Variants in NR1H2 observed in about 807,000 individuals in gnomAD.
The protein encoded by NR1H2 is nuclear receptor subfamily 1 group H member 2, also known as oxysterols receptor LXR-beta.
In NR1H2, 33 loss-of-function variants were observed where a neutral mutation model predicts 51.2. That is an observed-to-expected ratio of 0.64 (90% CI 0.49 to 0.86). The LOEUF (loss-of-function observed/expected upper bound fraction) is 0.86, where lower values mean the gene tolerates loss of function less well. Among genes scored for constraint, NR1H2 ranks in the 40% least tolerant of loss-of-function variants. The probability of loss-of-function intolerance (pLI) is 0.00; values close to 1 mark genes in which losing one functional copy is unlikely to be tolerated. For missense variants in NR1H2, 592 were observed against 639.9 expected (o/e 0.93, Z 0.81); for synonymous variants, 310 against 264.3 (o/e 1.17, Z -1.68).
intron 9 of NR1H2, 101 bp from the exon 10 acceptor site, chr19:50,382,355 C>A: frequency 6.8e-7 from 1 of 1,463,326 alleles, no homozygotes; most frequent in Non-Finnish European, 9.1e-7. Context: ...ACGCTGGCTC[C>A]CACGCCTGGT....
chr19:50,379,295 A>G, intron 7 of NR1H2, 114 bp downstream of exon 7: 2 of 1,161,762 alleles, frequency 1.7e-6, no homozygotes, highest in Non-Finnish European at 2.4e-6. Flanking sequence ...CACGGCGAAT[A>G]GAGTCTTCTA....
chr19:50,382,098 A>T lies in NR1H2; in HGVS notation c.1160A>T (p.Glu387Val). 4 of 1,548,258 alleles carry T rather than the reference A, an allele frequency of 2.6e-6. No homozygotes were observed. The highest frequency in any genetic ancestry group is 3.5e-6 in the Non-Finnish European group (4 of 1,147,278). ...IFSADRPNVQ[E>V]PGRVEALQQP... Reference sequence around the variant, plus strand: ...TCGGCCGACCGGCCCAACGTGCAGGAGCCGGGCCGCGTGGAGGCGTTGCAG... The same window carrying T: ...TCGGCCGACCGGCCCAACGTGCAGGTGCCGGGCCGCGTGGAGGCGTTGCAG... Residue 387 changes from glutamate (E) to valine (V), a missense_variant, in exon 9 of 10, where the codon GAG becomes GTG. Glu to Val is a moderately radical substitution (Grantham distance 121). This residue lies in a region of NR1H2 where 174 missense variants were observed against 174.0 expected (regional missense o/e 1.00). Coordinates refer to ENST00000253727, the MANE Select transcript of NR1H2 (RefSeq NM_007121.7).
Position 50,378,799 on chromosome 19 carries a change from A to G in NR1H2, c.747+3A>G. The G allele has an allele frequency of 6.2e-7, 1 of 1,612,088 alleles. No individual in the cohort carries two copies. The highest frequency in any genetic ancestry group is 8.5e-7 in the Non-Finnish European group (1 of 1,179,130). ...TCTCCGACCAGCCCAAAGTCACGGT[A>G]CTGCCCCCTCCACAACCTTGAGTGT... On this transcript the variant is annotated splice_donor_region_variant and intron_variant, in intron 6 of 9. Coordinates refer to ENST00000253727, the MANE Select transcript of NR1H2 (RefSeq NM_007121.7).
At chr19:50,379,942 A>C (rs2037739313) in intron 8 of NR1H2, 63 bp downstream of exon 8, 1 of 1,045,544 alleles carries the variant, frequency 9.6e-7, no homozygotes, top group Admixed American at 1.7e-5. Context: ...ACCTGGGGCC[A>C]ACTCATCCCT....
At position 50,379,294 on chromosome 19, in the gene NR1H2, T is replaced by TAG. The variant is rs1346454693; in HGVS notation, c.927+116_927+117dup. The TAG allele has an allele frequency of 2.6e-6, 3 of 1,157,518 alleles. No homozygotes were observed. The Admixed American group carries it at 7.9e-5, about 30-fold the overall frequency. 71.7% of individuals were successfully genotyped at this position (1,157,518 alleles called of 1,614,324 possible). On this transcript the variant is annotated intron_variant, in intron 7 of 9. Coordinates refer to ENST00000253727, the MANE Select transcript of NR1H2 (RefSeq NM_007121.7). Reference sequence around the variant, plus strand: ...TTGTAGGATGACATTCCACGGCGAATAGAGTCTTCTATGAGCCAAGGAGAG... The same window carrying TAG: ...TTGTAGGATGACATTCCACGGCGAATAGAGAGTCTTCTATGAGCCAAGGAGAG...
intron 5 of NR1H2, 28 bp from the exon 6 acceptor site, chr19:50,378,494 T>A (rs905686245): frequency 1.6e-5 from 25 of 1,588,128 alleles, no homozygotes; most frequent in Non-Finnish European, 2.1e-5. Flanking sequence ...AGCCCTGGGG[T>A]TCTGCTGAGG....
In NR1H2 at chr19:50,377,763, C is replaced by T. The variant is rs776714777; in HGVS notation, c.74C>T (p.Ser25Phe). Reference protein sequence around the residue: ...GNGPPQPGAPSSSPTVKEEGP... With the variant: ...GNGPPQPGAPFSSPTVKEEGP... ...GGCCCCCCTCAGCCTGGCGCCCCTT[C>T]TTCTTCACCCACTGTAAAGGAGGAG... is the stretch of plus-strand genomic sequence containing the variant. The change falls in exon 4 of 10, where the codon TCT (serine) becomes TTT (phenylalanine). Residue 25 changes from serine (S) to phenylalanine (F), a missense_variant. Ser to Phe is a radical substitution (Grantham distance 155, BLOSUM62 -2). Coordinates refer to ENST00000253727, the MANE Select transcript of NR1H2 (RefSeq NM_007121.7). 2.9e-5 allele frequency: 46 copies of T among 1,609,634 alleles called. No individual in the cohort carries two copies. The highest frequency in any genetic ancestry group is 3.6e-5 in the Non-Finnish European group (42 of 1,177,900).
rs1294772288 is a variant in NR1H2 at position 50,382,023 on chromosome 19, T to C, written c.1085T>C (p.Leu362Pro). 6.4e-7 allele frequency: 1 copy of C among 1,568,588 alleles called. No homozygotes were observed. Residue 362 changes from leucine to proline, a missense_variant, in exon 9 of 10, where the codon CTG (leucine) becomes CCG (proline). Leu to Pro is a moderately conservative substitution (Grantham distance 98). Transcript: ENST00000253727. ...GAGTTCTCGCGGGCCATGCGGCGGC[T>C]GGGCCTGGACGACGCTGAGTACGCC... Reference protein sequence around the residue: ...IFEFSRAMRRLGLDDAEYALL... With the variant: ...IFEFSRAMRRPGLDDAEYALL...
rs2037778344 is a variant in NR1H2, at chr19:50,382,104, G to C, written c.1166G>C (p.Gly389Ala). 1.3e-6 allele frequency: 2 copies of C among 1,546,958 alleles called. No homozygotes were observed. Among genetic ancestry groups the C allele is most frequent in the Non-Finnish European group, 1.7e-6 (2 of 1,147,048 alleles). The change falls in exon 9 of 10, where the codon GGC becomes GCC. Residue 389 changes from glycine to alanine, a missense_variant. Transcript: ENST00000253727. ...SADRPNVQEP[G>A]RVEALQQPYV... ...GACCGGCCCAACGTGCAGGAGCCGG[G>C]CCGCGTGGAGGCGTTGCAGCAGCCC...
At chr19:50,378,867 G>A in intron 6 of NR1H2, 71 bp downstream of exon 6, 1 of 1,571,668 alleles carries the variant, frequency 6.4e-7, no homozygotes, top group Non-Finnish European at 8.6e-7. Context: ...ATCACCCAGG[G>A]TGTGGGAGAA....
intron 2 of NR1H2, 108 bp downstream of exon 2, chr19:50,376,934 G>T (rs1367882082): frequency 6.8e-6 from 1 of 147,878 alleles, no homozygotes; most frequent in East Asian, 2.0e-4. Flanking sequence ...GAGGAGGCGG[G>T]GCTGGGGGCG....
chr19:50,382,606 G>T lies in NR1H2; in HGVS notation c.*4G>T, dbSNP rs767271293. On this transcript the variant is annotated 3_prime_UTR_variant, in exon 10 of 10. Transcript: ENST00000253727. Reference sequence around the variant, plus strand: ...GATCTGGGACGTCCACGAGTGAGGGGCTGGCCACCCAGCCCCACAGCCTTG... The same window carrying T: ...GATCTGGGACGTCCACGAGTGAGGGTCTGGCCACCCAGCCCCACAGCCTTG... The T allele has an allele frequency of 3.2e-6, 5 of 1,557,908 alleles. No homozygotes were observed. The highest frequency in any genetic ancestry group is 4.3e-6 in the Non-Finnish European group (5 of 1,154,122).
At position 50,383,310 on chromosome 19, in the gene NR1H2, G is replaced by A. The variant is rs1389064998; in HGVS notation, c.*708G>A. On this transcript the variant is annotated 3_prime_UTR_variant, in exon 10 of 10. Transcript: ENST00000253727. Reference sequence around the variant, plus strand: ...TGTCCGAACAACAAGTGTTTGCTGAGGCCTCCTGTGGGCCAGGCACTGGGT... The same window carrying A: ...TGTCCGAACAACAAGTGTTTGCTGAAGCCTCCTGTGGGCCAGGCACTGGGT... Among the ~76,000 whole-genome samples the A allele has an allele frequency of 1.3e-5, 2 of 152,234 alleles. No homozygotes were observed. Among genetic ancestry groups the A allele is most frequent in the Non-Finnish European group, 2.9e-5 (2 of 68,046 alleles).
chr19:50,381,535 A>G (rs1223908014), intron 8 of NR1H2, among the ~76,000 whole-genome samples: 1 of 152,222 alleles, frequency 6.6e-6, no homozygotes, highest in Non-Finnish European at 1.5e-5. Context: ...ACTCAGTGAC[A>G]TTTGATGACT....
chr19:50,382,280 C>G (rs563720494), intron 9 of NR1H2, 106 bp downstream of exon 9: 132 of 1,347,954 alleles, frequency 9.8e-5, no homozygotes, highest in Admixed American at 1.7e-4. Context: ...TCCGCAGAGT[C>G]TTTCCTCAGG....
In NR1H2 at chr19:50,382,033, C is replaced by G. The variant is rs199733064; in HGVS notation, c.1095C>G (p.Asp365Glu). Residue 365 changes from aspartate to glutamate, a missense_variant, in exon 9 of 10, where the codon GAC (aspartate) becomes GAG (glutamate). Around this residue, in one of 3 missense-constraint regions of NR1H2, gnomAD observed 174 missense variants for 174.0 expected, o/e 1.00. Transcript: ENST00000253727. ...GGGCCATGCGGCGGCTGGGCCTGGACGACGCTGAGTACGCCCTGCTCATCG... is the reference window on the plus strand; with the variant it reads ...GGGCCATGCGGCGGCTGGGCCTGGAGGACGCTGAGTACGCCCTGCTCATCG... ...FSRAMRRLGL[D>E]DAEYALLIAI... 2.6e-6 allele frequency: 4 copies of G among 1,565,718 alleles called. No individual in the cohort carries two copies. Among genetic ancestry groups the G allele is most frequent in the Non-Finnish European group, 3.5e-6 (4 of 1,154,926 alleles).
intron 2 of NR1H2, 81 bp from the exon 3 acceptor site, chr19:50,377,506 G>A: frequency 9.0e-7 from 1 of 1,116,764 alleles, no homozygotes; most frequent in Non-Finnish European, 1.3e-6. Context: ...AAAAAAAAGG[G>A]AAAGCCCTGT....
At chr19:50,382,435 C>A in intron 9 of NR1H2, 21 bp from the exon 10 acceptor site, 1 of 1,571,748 alleles carries the variant, frequency 6.4e-7, no homozygotes, top group Non-Finnish European at 8.6e-7. Context: ...TCAGCCAGCG[C>A]CCACCTGCCT....
rs773866755 is a variant in NR1H2, at chr19:50,378,592, G to GCAGTCA, written c.545_550dup (p.Gln182_Ser183dup). On this transcript the variant is annotated inframe_insertion, in exon 6 of 10. Transcript: ENST00000253727. ...AGCAGCAGGAGTCACAGTCACAGTC[G>GCAGTCA]CAGTCACCTGTGGGGCCGCAGGGCA... 7 of 1,613,978 alleles carry GCAGTCA rather than the reference G, an allele frequency of 4.3e-6. No individual in the cohort carries two copies. The highest frequency in any genetic ancestry group is 5.9e-6 in the Non-Finnish European group (7 of 1,179,906).
Sources: gnomAD v4.1 joint callset for allele counts (sites outside exome capture counted in the v4.1 genomes callset) on GRCh38, gnomAD v4.1.1 for gene constraint, gnomAD v4.1.1 regional missense constraint, MANE v1.5 for transcripts, NCBI Gene and HGNC (gene_info 2026-07-23, HGNC 2026-07-21) for gene names.